PPM1L: variants seen among roughly 807,000 people sequenced by gnomAD.
PPM1L encodes protein phosphatase 1L.
A neutral mutation model predicts 31.4 loss-of-function variants in PPM1L; 13 were observed. The observed-to-expected ratio is 0.41, with a 90% CI of 0.27 to 0.66. The LOEUF is 0.66. PPM1L is among the 30% of genes least tolerant of loss of function. The probability of loss-of-function intolerance (pLI) is 0.29; values close to 1 mark genes in which losing one functional copy is unlikely to be tolerated. For missense variants in PPM1L, 326 were observed against 453.7 expected (o/e 0.72, Z 2.56); for synonymous variants, 184 against 175.4 (o/e 1.05, Z -0.39).
chr3:161,042,024 A>G (rs552066501), intron 2 of PPM1L, among the ~76,000 whole-genome samples: 3 of 152,256 alleles, frequency 2.0e-5, no homozygotes, highest in African/African-American at 7.2e-5. Flanking sequence ...ACCACCACAC[A>G]TACATATACA....
At chr3:160,777,531 T>C (rs935930180) in intron 1 of PPM1L, among the ~76,000 whole-genome samples, 22 of 152,202 alleles carry the variant, frequency 1.4e-4, no homozygotes, top group African/African-American at 5.3e-4. Context: ...TTTTCCTCCC[T>C]GTAGCCCCCT....
rs148889041 is a variant in PPM1L, at chr3:160,992,438, A to C, written c.574+30528A>C. ...AATTAGGGCCCAAGACACTCTATCC[A>C]ACTAACAGAAATTCAATTCAAACTA... is the stretch of plus-strand genomic sequence containing the variant. On this transcript the variant is annotated intron_variant, in intron 2 of 3. Coordinates refer to ENST00000498165, the MANE Select transcript of PPM1L (RefSeq NM_139245.4). 6.4e-3 allele frequency among the ~76,000 whole-genome samples: 970 copies of C among 152,346 alleles called. 9 individuals are homozygous for C. The highest frequency in any genetic ancestry group is 0.017 in the Middle Eastern group (5 of 294).
intron 1 of PPM1L, among the ~76,000 whole-genome samples, chr3:160,919,234 C>A (rs528083337): frequency 6.6e-6 from 1 of 152,282 alleles, no homozygotes; most frequent in South Asian, 2.1e-4. Context: ...GCTCTACAAG[C>A]CTTTTCTGAG....
intron 1 of PPM1L, among the ~76,000 whole-genome samples, chr3:160,829,514 C>T (rs757114841): frequency 1.4e-4 from 21 of 152,162 alleles, no homozygotes; most frequent in Admixed American, 2.0e-4. Context: ...CACTCAACTG[C>T]CAGAGAGGGA....
chr3:160,777,589 G>A (rs1269183854), intron 1 of PPM1L, among the ~76,000 whole-genome samples: 4 of 152,038 alleles, frequency 2.6e-5, no homozygotes, highest in African/African-American at 4.8e-5. Context: ...GACTACTACT[G>A]CATATAAGTG....
chr3:161,050,237 A>G lies in PPM1L; in HGVS notation c.575-15166A>G, dbSNP rs75632049. 2.7e-3 allele frequency among the ~76,000 whole-genome samples: 407 copies of G among 152,336 alleles called. 3 individuals are homozygous for G. The highest frequency in any genetic ancestry group is 9.6e-3 in the African/African-American group (401 of 41,572). ...ACTTGCATAGCCGCAGTCTTAAGTT[A>G]CTGAAATGACAGGTTGATCCAGTGA... On this transcript the variant is annotated intron_variant, in intron 2 of 3. Transcript: ENST00000498165.
chr3:161,008,945 C>G (rs530020551), intron 2 of PPM1L, among the ~76,000 whole-genome samples: 1 of 152,032 alleles, frequency 6.6e-6, no homozygotes, highest in South Asian at 2.1e-4. Flanking sequence ...GTATTTAAAG[C>G]CAGTAGACTA....
intron 2 of PPM1L, among the ~76,000 whole-genome samples, chr3:160,963,450 A>C (rs1716031573): frequency 6.6e-6 from 1 of 152,062 alleles, no homozygotes; most frequent in African/African-American, 2.4e-5. Context: ...TTGCTGGAGG[A>C]CTAAAACATA....
intron 2 of PPM1L, among the ~76,000 whole-genome samples, chr3:160,975,781 A>G (rs1424818351): frequency 3.3e-5 from 5 of 151,936 alleles, no homozygotes; most frequent in African/African-American, 7.3e-5. Context: ...GGGCTGAGAC[A>G]ATGGGGTTTT....
chr3:161,047,593 G>C (rs1372317573), intron 2 of PPM1L, among the ~76,000 whole-genome samples: 1 of 152,116 alleles, frequency 6.6e-6, no homozygotes, highest in Non-Finnish European at 1.5e-5. Flanking sequence ...CTACTTTAAA[G>C]TTCATATGTA....
chr3:160,858,086 A>G (rs1437346214), intron 1 of PPM1L, among the ~76,000 whole-genome samples: 1 of 152,166 alleles, frequency 6.6e-6, no homozygotes, highest in South Asian at 2.1e-4. Context: ...GAAATGGCAG[A>G]GTCTATTGTT....
chr3:161,075,199 C>A lies in PPM1L; in HGVS notation c.*6042C>A, dbSNP rs2078837595. On this transcript the variant is annotated 3_prime_UTR_variant, in exon 4 of 4. Transcript: ENST00000498165. ...TATCATGCATTATCTCAAAATATTT[C>A]TATATTAATTAGATAATTCACGATG... 6.6e-6 allele frequency: 1 copy of A among 152,072 alleles called. No individual in the cohort carries two copies. The highest frequency in any genetic ancestry group is 1.5e-5 in the Non-Finnish European group (1 of 68,030). The allele number at this position is 152,072 out of a possible 1,614,324, so 9.4% of individuals were successfully genotyped here. A position where few individuals can be genotyped will look rare whatever the true frequency, so the allele number is the denominator to read the frequency against.
At chr3:160,991,056 A>G (rs1393072567) in intron 2 of PPM1L, among the ~76,000 whole-genome samples, 2 of 151,174 alleles carry the variant, frequency 1.3e-5, no homozygotes, top group Non-Finnish European at 2.9e-5. Context: ...AAAATACATT[A>G]ATACTAATGA....
chr3:160,778,294 G>T (rs9868489), intron 1 of PPM1L, among the ~76,000 whole-genome samples: 58,153 of 151,704 alleles, frequency 0.38, 12,060 homozygotes, highest in East Asian at 0.6. Flanking sequence ...TTATCAGGTA[G>T]ATAATTTGCT....
At chr3:160,922,092 C>T (rs771948876) in intron 1 of PPM1L, among the ~76,000 whole-genome samples, 2 of 152,078 alleles carry the variant, frequency 1.3e-5, no homozygotes, top group African/African-American at 4.8e-5. Context: ...GGGCAGATCA[C>T]GAGGTCAGGA....
chr3:161,038,323 T>A (rs1718807026), intron 2 of PPM1L, among the ~76,000 whole-genome samples: 1 of 151,896 alleles, frequency 6.6e-6, no homozygotes, highest in African/African-American at 2.4e-5. Context: ...TTTTCTTGTA[T>A]TTTTTAGAGA....
intron 2 of PPM1L, among the ~76,000 whole-genome samples, chr3:160,964,191 G>A (rs1242315707): frequency 6.6e-6 from 1 of 151,920 alleles, no homozygotes; most frequent in East Asian, 1.9e-4. Flanking sequence ...TGGGGGTTAG[G>A]GATGCCAACT....
At chr3:160,955,245 G>A (rs1432775980) in intron 1 of PPM1L, among the ~76,000 whole-genome samples, 7 of 151,954 alleles carry the variant, frequency 4.6e-5, no homozygotes, top group South Asian at 2.1e-4. Flanking sequence ...TCTTGACCTC[G>A]TGATTACTGC....
chr3:160,923,392 C>T (rs1395267569), intron 1 of PPM1L, among the ~76,000 whole-genome samples: 3 of 152,150 alleles, frequency 2.0e-5, no homozygotes, highest in Non-Finnish European at 4.4e-5. Context: ...TTCATAAAAA[C>T]CATATGTGTT....
Sources: gnomAD v4.1 joint callset for allele counts (sites outside exome capture counted in the v4.1 genomes callset) on GRCh38, gnomAD v4.1.1 for gene constraint, MANE v1.5 for transcripts, NCBI Gene and HGNC (gene_info 2026-07-23, HGNC 2026-07-21) for gene names.